Variants in CCDC141 observed in about 807,000 individuals in gnomAD.
CCDC141 encodes coiled-coil domain containing 141.
CCDC141 carries 168 observed loss-of-function variants against 181.0 expected under a neutral mutation model. The ratio of observed to expected loss-of-function variants is 0.93; its 90% confidence interval spans 0.82 to 1.05. CCDC141 has a LOEUF of 1.05. CCDC141 is among the 50% of genes least tolerant of loss of function. The pLI is 0.00. For missense variants in CCDC141, 1,902 were observed against 1,788.5 expected (o/e 1.06, Z -1.14); for synonymous variants, 666 against 642.3 (o/e 1.04, Z -0.56).
At chr2:179,000,228 A>T (rs2041927850) in intron 2 of CCDC141, among the ~76,000 whole-genome samples, 1 of 152,126 alleles carries the variant, frequency 6.6e-6, no homozygotes, top group Admixed American at 6.6e-5. Context: ...TTGAAAACAA[A>T]ACTTAAAAAA....
At position 178,850,109 on chromosome 2, in the gene CCDC141, C is replaced by G; in HGVS notation, c.3297G>C (p.Glu1099Asp). 1 of 1,611,940 alleles carries G rather than the reference C, an allele frequency of 6.2e-7. No individual in the cohort carries two copies. The highest frequency in any genetic ancestry group is 8.5e-7 in the Non-Finnish European group (1 of 1,178,722). ...ATAATTCAGTCACAGATTCAAGAAC[C>G]TCTTTGTGTTTTGTCACTATTTTCT... ...YIEKIVTKHK[E>D]VLESVTELCE... The change falls in exon 21 of 24, where the codon GAG (glutamate) becomes GAC (aspartate). Residue 1099 changes from glutamate (E) to aspartate (D), a missense_variant. Physicochemically the swap from Glu to Asp is conservative, Grantham distance 45. Coordinates refer to ENST00000443758, the MANE Select transcript of CCDC141 (RefSeq NM_173648.4).
chr2:178,923,632 C>T (rs1180340156), intron 6 of CCDC141, among the ~76,000 whole-genome samples: 1 of 152,126 alleles, frequency 6.6e-6, no homozygotes, highest in Non-Finnish European at 1.5e-5. Flanking sequence ...AGCAGAAAGC[C>T]AAAGCCTTCC....
chr2:179,005,824 G>A (rs779582850), intron 2 of CCDC141, among the ~76,000 whole-genome samples: 8 of 152,094 alleles, frequency 5.3e-5, no homozygotes, highest in Non-Finnish European at 1.0e-4. Context: ...TGGCCAGGCT[G>A]GTCTCGAATT....
At chr2:178,993,132 A>C (rs1192687248) in intron 2 of CCDC141, among the ~76,000 whole-genome samples, 1 of 152,220 alleles carries the variant, frequency 6.6e-6, no homozygotes, top group African/African-American at 2.4e-5. Context: ...CCTGAACTGC[A>C]GTTACCATGC....
rs139018772 is a variant in CCDC141, at chr2:178,862,448, C to T, written c.2724+3319G>A. Among the ~76,000 whole-genome samples, 75 of 152,210 alleles carry T rather than the reference C, an allele frequency of 4.9e-4. No homozygotes were observed. The South Asian group carries it at 6.2e-3, about 13-fold the overall frequency. The stretch of plus-strand genomic sequence containing the variant: ...GGTCAGGTTCAAAGAAGAAAGCATG[C>T]TTGATATTTACTTATTACATTTCTA... On this transcript the variant is annotated intron_variant, in intron 17 of 23. Coordinates refer to ENST00000443758, the MANE Select transcript of CCDC141 (RefSeq NM_173648.4).
chr2:178,914,198 A>G (rs1311897604), intron 7 of CCDC141, among the ~76,000 whole-genome samples: 1 of 152,214 alleles, frequency 6.6e-6, no homozygotes, highest in African/African-American at 2.4e-5. Context: ...CCATGTTCTC[A>G]TAAGTCTTAG....
At chr2:179,043,846 G>A (rs2043394464) in intron 2 of CCDC141, among the ~76,000 whole-genome samples, 1 of 152,154 alleles carries the variant, frequency 6.6e-6, no homozygotes, top group African/African-American at 2.4e-5. Context: ...AATAGGAAGA[G>A]AGGAAGTAAA....
chr2:178,956,102 A>G (rs978005386), intron 5 of CCDC141, among the ~76,000 whole-genome samples: 29 of 152,124 alleles, frequency 1.9e-4, no homozygotes, highest in Non-Finnish European at 3.8e-4. Context: ...AAGTTAAATA[A>G]CTGCTGTTAC....
rs1288542028 is a variant in CCDC141 at position 178,855,371 on chromosome 2, C to T, written c.3036G>A (p.Glu1012=). Residue 1012 remains glutamate, a synonymous_variant, in exon 19 of 24, where the codon GAG becomes GAA. Coordinates refer to ENST00000443758, the MANE Select transcript of CCDC141 (RefSeq NM_173648.4). ...TDYKKNLDLT[E]HFQEVIEECH... Reference sequence around the variant, plus strand: ...CCTCTTCTATCACCTCCTGGAAATGCTCAGTCAGGTCCAAATTCTTCTTGT... The same window carrying T: ...CCTCTTCTATCACCTCCTGGAAATGTTCAGTCAGGTCCAAATTCTTCTTGT... 2 of 1,611,108 alleles carry T rather than the reference C, an allele frequency of 1.2e-6. No individual in the cohort carries two copies. Among genetic ancestry groups the T allele is most frequent in the East Asian group, 2.2e-5 (1 of 44,618 alleles).
At chr2:178,953,114 T>C (rs1690022248) in intron 5 of CCDC141, among the ~76,000 whole-genome samples, 1 of 152,166 alleles carries the variant, frequency 6.6e-6, no homozygotes, top group Non-Finnish European at 1.5e-5. Context: ...TGGGGGTAAT[T>C]TGACAAGATG....
chr2:179,043,613 T>C lies in CCDC141; in HGVS notation c.225+3671A>G, dbSNP rs892840100. 3.3e-5 allele frequency among the ~76,000 whole-genome samples: 5 copies of C among 152,144 alleles called. No homozygotes were observed. The South Asian group carries it at 1.0e-3, about 32-fold the overall frequency. ...TAATAGACACACAAAAGGCCTTTGATAAAATTCAACATCCCTTCATGTTAA... is the reference window on the plus strand; with the variant it reads ...TAATAGACACACAAAAGGCCTTTGACAAAATTCAACATCCCTTCATGTTAA... On this transcript the variant is annotated intron_variant, in intron 2 of 23. Coordinates refer to ENST00000443758, the MANE Select transcript of CCDC141 (RefSeq NM_173648.4).
At chr2:178,869,366 G>T in intron 14 of CCDC141, 61 bp from the exon 15 acceptor site, 1 of 1,229,014 alleles carries the variant, frequency 8.1e-7, no homozygotes, top group Non-Finnish European at 1.1e-6. Flanking sequence ...CTTTACAACT[G>T]ACAATATAAA....
chr2:178,952,878 CTCTTCT>C (rs1371798851), intron 5 of CCDC141, among the ~76,000 whole-genome samples: 1 of 104,822 alleles, frequency 9.5e-6, no homozygotes, highest in Admixed American at 9.1e-5. Context: ...GAATTTTTTT[CTCTTCT>C]TTTTTTTGAG....
In CCDC141 at chr2:178,847,357, T is replaced by C. The variant is rs183529497; in HGVS notation, c.3358-1615A>G. Among the ~76,000 whole-genome samples the C allele has an allele frequency of 6.9e-3, 1,044 of 152,082 alleles. 28 individuals carry two copies. The South Asian group carries it at 0.073, about 11-fold the overall frequency. On this transcript the variant is annotated intron_variant, in intron 21 of 23. Transcript: ENST00000443758. ...CCAGCTTGGGCAACATAGTGAGACC[T>C]CAACTTTACAAAAAAATCAAAACAT...
chr2:178,978,481 A>C lies in CCDC141; in HGVS notation c.417+3T>G. ...GAAGGGAGAAGTTTTTTAAAGTACAAACCTCTAAGGCATTTTCAAAAAATT... is the reference window on the plus strand; with the variant it reads ...GAAGGGAGAAGTTTTTTAAAGTACACACCTCTAAGGCATTTTCAAAAAATT... On this transcript the variant is annotated splice_donor_region_variant and intron_variant, in intron 3 of 23. Transcript: ENST00000443758. 1 of 1,459,756 alleles carries C rather than the reference A, an allele frequency of 6.9e-7. No individual in the cohort carries two copies. The highest frequency in any genetic ancestry group is 9.1e-7 in the Non-Finnish European group (1 of 1,101,322). The allele number at this position is 1,459,756 out of a possible 1,614,324, so 90.4% of individuals were successfully genotyped here. A position where few individuals can be genotyped will look rare whatever the true frequency, so the allele number is the denominator to read the frequency against.
At chr2:178,864,445 A>T (rs932212588) in intron 17 of CCDC141, among the ~76,000 whole-genome samples, 2 of 152,212 alleles carry the variant, frequency 1.3e-5, no homozygotes, top group Non-Finnish European at 2.9e-5. Context: ...GTAGAGGGCA[A>T]ATTACACTAC....
chr2:178,936,361 C>A (rs1365044599), intron 6 of CCDC141, among the ~76,000 whole-genome samples: 1 of 152,044 alleles, frequency 6.6e-6, no homozygotes, highest in African/African-American at 2.4e-5. Context: ...GAGTCTTTAC[C>A]CTATCACTTG....
At chr2:178,970,005 TGAACTCCCATTCACAACTGCTACAAA>T (rs1274176989) in intron 4 of CCDC141, among the ~76,000 whole-genome samples, 1 of 152,050 alleles carries the variant, frequency 6.6e-6, no homozygotes, top group Non-Finnish European at 1.5e-5. Flanking sequence ...AAATCATGAG[TGAACTCCCATTCACAACTGCTACAAA>T]GAGAATAAAA....
At position 179,015,081 on chromosome 2, in the gene CCDC141, T is replaced by TG. The variant is rs1267217769; in HGVS notation, c.225+32202_225+32203insC. On this transcript the variant is annotated intron_variant, in intron 2 of 23. Transcript: ENST00000443758. ...AGAGAGACAGAGATATATATATATA[T>TG]ATATATATATATATATATATATAAT... Among the ~76,000 whole-genome samples, 5 of 36,056 alleles carry TG rather than the reference T, an allele frequency of 1.4e-4. 1 individual carries two copies. Among genetic ancestry groups the TG allele is most frequent in the African/African-American group, 3.7e-4 (5 of 13,408 alleles). The allele number at this position is 36,056 out of a possible 152,430, so 23.7% of individuals were successfully genotyped here.
Sources: gnomAD v4.1 joint callset for allele counts (sites outside exome capture counted in the v4.1 genomes callset) on GRCh38, gnomAD v4.1.1 for gene constraint, MANE v1.5 for transcripts, NCBI Gene and HGNC (gene_info 2026-07-23, HGNC 2026-07-21) for gene names.